CTNNA3: variants seen among roughly 807,000 people sequenced by gnomAD.
CTNNA3 encodes catenin alpha 3.
Under a neutral mutation model 95.7 loss-of-function variants are expected in CTNNA3, and 76 were observed. The observed-to-expected ratio is 0.79, with a 90% CI of 0.66 to 0.96. The LOEUF (loss-of-function observed/expected upper bound fraction) is 0.96. Among genes scored for constraint, CTNNA3 ranks in the 40% least tolerant of loss-of-function variants. The pLI, the probability that CTNNA3 is intolerant of heterozygous loss-of-function variation, is 0.00. For missense variants in CTNNA3, 1,191 were observed against 1,089.8 expected (o/e 1.09, Z -1.31); for synonymous variants, 431 against 374.4 (o/e 1.15, Z -1.74).
intron 14 of CTNNA3, among the ~76,000 whole-genome samples, chr10:66,074,211 A>G (rs1330146933): frequency 3.7e-5 from 5 of 135,322 alleles, no homozygotes; most frequent in East Asian, 2.1e-4. Context: ...TACAGATATT[A>G]TTCCACTCTA....
intron 7 of CTNNA3, among the ~76,000 whole-genome samples, chr10:66,965,337 C>T (rs1038910643): frequency 3.9e-5 from 6 of 151,908 alleles, no homozygotes; most frequent in African/African-American, 9.7e-5. Flanking sequence ...GAGATCCAGA[C>T]GATCTTGGCC....
At chr10:66,020,773 G>A (rs539367514) in intron 15 of CTNNA3, among the ~76,000 whole-genome samples, 120 of 150,220 alleles carry the variant, frequency 8.0e-4, no homozygotes, top group Middle Eastern at 3.4e-3. Context: ...CCAGGTTCAC[G>A]CCATTCTCCC....
chr10:66,364,847 A>C (rs1427260155), intron 12 of CTNNA3, among the ~76,000 whole-genome samples: 1 of 152,124 alleles, frequency 6.6e-6, no homozygotes, highest in Middle Eastern at 3.2e-3. Flanking sequence ...AATGATACTT[A>C]TGGCAATGGT....
chr10:66,179,024 T>A (rs1426631419), intron 13 of CTNNA3, among the ~76,000 whole-genome samples: 1 of 151,952 alleles, frequency 6.6e-6, no homozygotes, highest in Admixed American at 6.6e-5. Context: ...CATGCAACTA[T>A]TACATAATCA....
intron 11 of CTNNA3, among the ~76,000 whole-genome samples, chr10:66,413,346 T>C (rs78889257): frequency 0.062 from 9,391 of 151,502 alleles, 576 homozygotes; most frequent in East Asian, 0.23. Flanking sequence ...ATGATGTGTA[T>C]CACATTCAAG....
chr10:66,826,991 T>C (rs1294669612), intron 7 of CTNNA3, among the ~76,000 whole-genome samples: 2 of 152,180 alleles, frequency 1.3e-5, no homozygotes, highest in Admixed American at 6.5e-5. Context: ...CTTATGATTT[T>C]CCAAAAATTG....
In CTNNA3 at chr10:65,944,610, C is replaced by T. The variant is rs149758660; in HGVS notation, c.2400+22002G>A. Among the ~76,000 whole-genome samples, 24 of 152,288 alleles carry T rather than the reference C, an allele frequency of 1.6e-4. No individual in the cohort carries two copies. The East Asian group carries it at 4.6e-3, about 29-fold the overall frequency. On this transcript the variant is annotated intron_variant, in intron 17 of 17. Transcript: ENST00000433211. ...ATTGTGCAGGGAGAGAGAAGGGAAACCAAAGCATTCACTCATATGTCCATG... is the reference window on the plus strand; with the variant it reads ...ATTGTGCAGGGAGAGAGAAGGGAAATCAAAGCATTCACTCATATGTCCATG...
At chr10:66,255,885 C>A (rs1429713520) in intron 13 of CTNNA3, among the ~76,000 whole-genome samples, 1 of 152,196 alleles carries the variant, frequency 6.6e-6, no homozygotes, top group Non-Finnish European at 1.5e-5. Flanking sequence ...TTAACTATTT[C>A]CTTTGTTTTA....
At chr10:66,040,438 G>A (rs898873737) in intron 15 of CTNNA3, among the ~76,000 whole-genome samples, 1 of 151,768 alleles carries the variant, frequency 6.6e-6, no homozygotes, top group Non-Finnish European at 1.5e-5. Context: ...TATGTTCATT[G>A]CAACACTATT....
intron 1 of CTNNA3, among the ~76,000 whole-genome samples, chr10:67,713,275 C>A (rs1019337545): frequency 2.6e-5 from 4 of 152,162 alleles, no homozygotes; most frequent in Non-Finnish European, 5.9e-5. Context: ...ATTAAAAAGT[C>A]AGGAAACAAC....
intron 16 of CTNNA3, among the ~76,000 whole-genome samples, chr10:65,983,771 G>T (rs879745365): frequency 1.3e-5 from 2 of 151,256 alleles, no homozygotes; most frequent in Admixed American, 1.3e-4. Context: ...TAAACAGAAG[G>T]TTTTAGTTCT....
chr10:65,946,195 T>A (rs890313594), intron 17 of CTNNA3, among the ~76,000 whole-genome samples: 2 of 152,148 alleles, frequency 1.3e-5, no homozygotes, highest in Non-Finnish European at 2.9e-5. Context: ...ATAAAAAATG[T>A]CAATGCATTT....
intron 7 of CTNNA3, among the ~76,000 whole-genome samples, chr10:66,873,429 T>C (rs1218983741): frequency 6.6e-6 from 1 of 152,108 alleles, no homozygotes; most frequent in Non-Finnish European, 1.5e-5. Flanking sequence ...TGAGATGGTG[T>C]CTCATTGTGG....
intron 15 of CTNNA3, among the ~76,000 whole-genome samples, chr10:66,009,332 C>T (rs1035659445): frequency 2.0e-5 from 3 of 152,016 alleles, no homozygotes; most frequent in Admixed American, 6.5e-5. Context: ...AACAATGGGT[C>T]GCACTTAAGG....
At chr10:65,992,536 T>C (rs1369639619) in intron 15 of CTNNA3, among the ~76,000 whole-genome samples, 1 of 152,136 alleles carries the variant, frequency 6.6e-6, no homozygotes, top group Non-Finnish European at 1.5e-5. Context: ...AAATGTTAAC[T>C]GTTAATAATA....
rs141431625 is a variant in CTNNA3 at position 66,373,634 on chromosome 10, C to A, written c.1732+5518G>T. Among the ~76,000 whole-genome samples the A allele has an allele frequency of 5.8e-3, 886 of 151,818 alleles. 10 individuals carry two copies. Among genetic ancestry groups the A allele is most frequent in the South Asian group, 0.015 (70 of 4,814 alleles). On this transcript the variant is annotated intron_variant, in intron 12 of 17. Coordinates refer to ENST00000433211, the MANE Select transcript of CTNNA3 (RefSeq NM_013266.4). ...AAAAAGAGTTATATTAACGTCTAAT[C>A]CAAAAGGCAGAAAGGATATAATTTG...
rs766927681 is a variant in CTNNA3, at chr10:67,606,826, G to C, written c.292+31C>G. ...GTGACTAACACCCTAAAGATATGCA[G>C]TTTGCTCCTGACCAGGATTGGAGTA... On this transcript the variant is annotated intron_variant, in intron 3 of 17. Transcript: ENST00000433211. The C allele has an allele frequency of 3.9e-6, 6 of 1,549,146 alleles. No individual in the cohort carries two copies. The South Asian group carries it at 7.0e-5, about 18-fold the overall frequency.
intron 11 of CTNNA3, among the ~76,000 whole-genome samples, chr10:66,430,941 G>A (rs1407470145): frequency 6.6e-6 from 1 of 152,004 alleles, no homozygotes; most frequent in African/African-American, 2.4e-5. Context: ...CACAGCAAAA[G>A]AAACTACCGT....
chr10:67,301,475 T>A (rs764381001), intron 5 of CTNNA3, among the ~76,000 whole-genome samples: 4 of 152,176 alleles, frequency 2.6e-5, no homozygotes, highest in Non-Finnish European at 5.9e-5. Context: ...AGAGCTATCA[T>A]ATCATCCAGC....
Sources: gnomAD v4.1 joint callset for allele counts (sites outside exome capture counted in the v4.1 genomes callset) on GRCh38, gnomAD v4.1.1 for gene constraint, MANE v1.5 for transcripts, NCBI Gene and HGNC (gene_info 2026-07-23, HGNC 2026-07-21) for gene names.